NRG3: variants seen among roughly 807,000 people sequenced by gnomAD.
NRG3 encodes the protein pro-neuregulin-3, membrane-bound isoform.
Under a neutral mutation model 66.9 loss-of-function variants are expected in NRG3, and 31 were observed. The observed-to-expected ratio is 0.46, with a 90% CI of 0.35 to 0.63. NRG3 has a LOEUF of 0.63. NRG3 is among the 20% of genes least tolerant of loss of function. The pLI is 0.00. For synonymous variants in NRG3, 393 were observed against 359.4 expected (o/e 1.09, Z -1.06); for missense variants, 910 against 878.9 (o/e 1.04, Z -0.45).
intron 2 of NRG3, among the ~76,000 whole-genome samples, chr10:82,728,810 C>A (rs868010812): frequency 6.6e-6 from 1 of 152,094 alleles, no homozygotes; most frequent in African/African-American, 2.4e-5. Flanking sequence ...GTAGATGTGA[C>A]AATGAACCCA....
intron 4 of NRG3, among the ~76,000 whole-genome samples, chr10:82,886,681 T>G (rs1842744196): frequency 6.6e-6 from 1 of 152,170 alleles, no homozygotes; most frequent in Non-Finnish European, 1.5e-5. Context: ...TAATCCAGAT[T>G]CTTATACTTA....
intron 1 of NRG3, among the ~76,000 whole-genome samples, chr10:81,880,395 AC>A: frequency 6.6e-6 from 1 of 152,194 alleles, no homozygotes; most frequent in East Asian, 1.9e-4. Context: ...TCAAAACCTG[AC>A]CAAAAAAAAC....
chr10:82,847,254 C>CAA (rs1252029854), intron 3 of NRG3, among the ~76,000 whole-genome samples: 3 of 152,162 alleles, frequency 2.0e-5, no homozygotes, highest in Admixed American at 1.3e-4. Flanking sequence ...TCTTATAAAA[C>CAA]AGCACTGTGT....
In NRG3 at chr10:82,152,998, A is replaced by G. The variant is rs2070893142; in HGVS notation, c.824-205741A>G. On this transcript the variant is annotated intron_variant, in intron 1 of 8. Transcript: ENST00000372141. ...TTGATACACACACGCGCACACACAC[A>G]TTGTAGAAAGATTAAACCAATTTAG... Among the ~76,000 whole-genome samples, 3 of 152,040 alleles carry G rather than the reference A, an allele frequency of 2.0e-5. No individual in the cohort carries two copies. In the South Asian group the frequency reaches 6.2e-4, roughly 31 times the overall value.
intron 2 of NRG3, among the ~76,000 whole-genome samples, chr10:82,483,152 A>G (rs544585399): frequency 4.3e-4 from 65 of 152,342 alleles, no homozygotes; most frequent in African/African-American, 1.5e-3. Flanking sequence ...TGCACTCCCT[A>G]CTTGTCCATG....
chr10:82,644,081 CA>C (rs2050773506), intron 2 of NRG3, among the ~76,000 whole-genome samples: 1 of 152,128 alleles, frequency 6.6e-6, no homozygotes, highest in Non-Finnish European at 1.5e-5. Flanking sequence ...ATAAATCTTC[CA>C]ATCTTCTGCC....
chr10:82,307,977 T>C (rs1454533665), intron 1 of NRG3, among the ~76,000 whole-genome samples: 1 of 152,206 alleles, frequency 6.6e-6, no homozygotes, highest in Non-Finnish European at 1.5e-5. Flanking sequence ...TATATCAGTA[T>C]TTCTCACTTG....
chr10:82,694,942 A>G (rs1051923071), intron 2 of NRG3, among the ~76,000 whole-genome samples: 2 of 152,192 alleles, frequency 1.3e-5, no homozygotes, highest in African/African-American at 4.8e-5. Flanking sequence ...ATAGGATTTT[A>G]AGGCAGCCAT....
intron 1 of NRG3, among the ~76,000 whole-genome samples, chr10:81,944,852 A>C (rs1299254681): frequency 6.6e-6 from 1 of 152,110 alleles, no homozygotes; most frequent in Non-Finnish European, 1.5e-5. Flanking sequence ...GTTTACCACA[A>C]GTACTGTGAT....
At chr10:82,616,448 A>G (rs2048655702) in intron 2 of NRG3, among the ~76,000 whole-genome samples, 1 of 152,200 alleles carries the variant, frequency 6.6e-6, no homozygotes, top group Admixed American at 6.5e-5. Flanking sequence ...GGCTAGAGGT[A>G]ATGGTGTAAG....
intron 2 of NRG3, among the ~76,000 whole-genome samples, chr10:82,411,765 A>G (rs1306425361): frequency 3.3e-5 from 5 of 152,094 alleles, no homozygotes; most frequent in Admixed American, 3.3e-4. Flanking sequence ...GCTTCTGACA[A>G]TTGTTTGGCC....
At chr10:82,505,391 A>G (rs1237187305) in intron 2 of NRG3, among the ~76,000 whole-genome samples, 1 of 152,216 alleles carries the variant, frequency 6.6e-6, no homozygotes, top group African/African-American at 2.4e-5. Flanking sequence ...CTATTTACCA[A>G]CTGATTGAGA....
At chr10:82,912,992 G>A (rs1260812418) in intron 4 of NRG3, among the ~76,000 whole-genome samples, 4 of 152,132 alleles carry the variant, frequency 2.6e-5, no homozygotes, top group Non-Finnish European at 5.9e-5. Flanking sequence ...TTGGGAGGCC[G>A]AGGCAGGTGG....
chr10:82,097,424 AATATATAT>A (rs3036602), intron 1 of NRG3, among the ~76,000 whole-genome samples: 3 of 139,996 alleles, frequency 2.1e-5, no homozygotes, highest in African/African-American at 5.5e-5. Flanking sequence ...ATATATCTGT[AATATATAT>A]ATATATATAT....
At chr10:82,181,636 T>A (rs2133230394) in intron 1 of NRG3, among the ~76,000 whole-genome samples, 1 of 151,994 alleles carries the variant, frequency 6.6e-6, no homozygotes, top group African/African-American at 2.4e-5. Context: ...TTTGATAAGT[T>A]AGTCCTCTTA....
chr10:82,566,901 G>A (rs1376783688), intron 2 of NRG3, among the ~76,000 whole-genome samples: 1 of 152,022 alleles, frequency 6.6e-6, no homozygotes, highest in Non-Finnish European at 1.5e-5. Flanking sequence ...TTGCTCTGCT[G>A]TGGGAACAAA....
In NRG3 at chr10:82,536,893, A is replaced by G. The variant is rs966215223; in HGVS notation, c.953+178025A>G. On this transcript the variant is annotated intron_variant, in intron 2 of 8. Transcript: ENST00000372141. Reference sequence around the variant, plus strand: ...ATTATTAAATTGATTTTATTATTAAATTATTAGATGCACTAAATGAAGAAT... The same window carrying G: ...ATTATTAAATTGATTTTATTATTAAGTTATTAGATGCACTAAATGAAGAAT... Among the ~76,000 whole-genome samples the G allele has an allele frequency of 7.9e-5, 12 of 151,416 alleles. No homozygotes were observed. The East Asian group carries it at 1.3e-3, about 17-fold the overall frequency.
chr10:82,978,859 A>G, intron 7 of NRG3, 91 bp from the exon 8 acceptor site: 1 of 1,316,248 alleles, frequency 7.6e-7, no homozygotes, highest in Non-Finnish European at 1.0e-6. Context: ...GTGCAGATTC[A>G]GTGTTTGCAA....
intron 1 of NRG3, among the ~76,000 whole-genome samples, chr10:82,192,003 T>C (rs2074170057): frequency 6.6e-6 from 1 of 152,162 alleles, no homozygotes; most frequent in Non-Finnish European, 1.5e-5. Context: ...ATTTATCTGC[T>C]CCCATCAATG....
Sources: allele counts gnomAD v4.1 joint callset (sites outside exome capture counted in the v4.1 genomes callset), GRCh38; gene constraint gnomAD v4.1.1; transcripts MANE v1.5; gene names NCBI Gene and HGNC (gene_info 2026-07-23, HGNC 2026-07-21).